PPM1H: variants seen among roughly 807,000 people sequenced by gnomAD.
The protein encoded by PPM1H is protein phosphatase 1H.
In PPM1H, 27 loss-of-function variants were observed where a neutral mutation model predicts 54.9. The ratio of observed to expected loss-of-function variants is 0.49; its 90% CI spans 0.36 to 0.68. PPM1H has a LOEUF of 0.68. PPM1H is among the 30% of genes least tolerant of loss of function. PPM1H has a pLI of 0.00. For missense variants in PPM1H, 596 were observed against 667.8 expected (o/e 0.89, Z 1.19); for synonymous variants, 305 against 270.8 (o/e 1.13, Z -1.24).
intron 1 of PPM1H, among the ~76,000 whole-genome samples, chr12:62,903,757 G>T (rs1041458315): frequency 6.6e-6 from 1 of 152,024 alleles, no homozygotes; most frequent in African/African-American, 2.4e-5. Flanking sequence ...GGGTCTAAAA[G>T]AATTGAACAT....
At chr12:62,839,717 C>T (rs745922067) in intron 1 of PPM1H, among the ~76,000 whole-genome samples, 3 of 151,762 alleles carry the variant, frequency 2.0e-5, no homozygotes, top group Non-Finnish European at 4.4e-5. Flanking sequence ...CTCAAGGACC[C>T]TATAGTCATT....
chr12:62,758,101 T>C (rs1029977663), intron 4 of PPM1H, among the ~76,000 whole-genome samples: 3 of 152,246 alleles, frequency 2.0e-5, no homozygotes, highest in Non-Finnish European at 4.4e-5. Flanking sequence ...TAAAGTAATG[T>C]ACCATAATTA....
At chr12:62,670,862 A>T (rs2075953003) in intron 8 of PPM1H, among the ~76,000 whole-genome samples, 1 of 152,144 alleles carries the variant, frequency 6.6e-6, no homozygotes. Context: ...TTTTACAACC[A>T]CCCTCTGTTT....
chr12:62,915,691 A>G (rs1030770145), intron 1 of PPM1H, among the ~76,000 whole-genome samples: 4 of 152,104 alleles, frequency 2.6e-5, no homozygotes, highest in African/African-American at 7.2e-5. Context: ...GGAATCACCA[A>G]TCCTACAGAG....
intron 4 of PPM1H, among the ~76,000 whole-genome samples, chr12:62,740,639 T>TG (rs2076376117): frequency 6.6e-6 from 1 of 152,242 alleles, no homozygotes; most frequent in South Asian, 2.1e-4. Flanking sequence ...CACGCTAGCC[T>TG]GTAAGCTGGA....
chr12:62,807,636 T>C (rs2076812751), intron 2 of PPM1H, among the ~76,000 whole-genome samples: 1 of 152,156 alleles, frequency 6.6e-6, no homozygotes, highest in South Asian at 2.1e-4. Context: ...TCCCTTGAAC[T>C]AGATAAAAAC....
chr12:62,906,845 C>T (rs1486394187), intron 1 of PPM1H, among the ~76,000 whole-genome samples: 1 of 152,148 alleles, frequency 6.6e-6, no homozygotes, highest in African/African-American at 2.4e-5. Context: ...TTGTATAAAT[C>T]CAATCAGACA....
chr12:62,930,391 T>C (rs1872096042), intron 1 of PPM1H, among the ~76,000 whole-genome samples: 1 of 152,222 alleles, frequency 6.6e-6, no homozygotes, highest in Non-Finnish European at 1.5e-5. Flanking sequence ...TTAGCTATAC[T>C]TAATGTATTC....
At chr12:62,723,504 A>T (rs74234924) in intron 5 of PPM1H, among the ~76,000 whole-genome samples, 4 of 152,188 alleles carry the variant, frequency 2.6e-5, no homozygotes, top group Non-Finnish European at 5.9e-5. Context: ...TGTTTAGGCC[A>T]TGAAGGTAGA....
chr12:62,701,243 C>G (rs919804638), intron 6 of PPM1H, among the ~76,000 whole-genome samples: 3 of 152,208 alleles, frequency 2.0e-5, no homozygotes, highest in African/African-American at 7.2e-5. Flanking sequence ...CTATGCTGTT[C>G]CGGCTGATGC....
At chr12:62,918,296 T>C (rs530298520) in intron 1 of PPM1H, among the ~76,000 whole-genome samples, 1 of 152,344 alleles carries the variant, frequency 6.6e-6, no homozygotes, top group East Asian at 1.9e-4. Flanking sequence ...CAATTTTTCA[T>C]TAACTTATTT....
intron 1 of PPM1H, among the ~76,000 whole-genome samples, chr12:62,906,256 G>A (rs1871298936): frequency 6.6e-6 from 1 of 152,160 alleles, no homozygotes; most frequent in African/African-American, 2.4e-5. Context: ...CAAAATATAT[G>A]TTGCTACAAA....
At chr12:62,774,989 G>C (rs2076601631) in intron 4 of PPM1H, among the ~76,000 whole-genome samples, 1 of 152,176 alleles carries the variant, frequency 6.6e-6, no homozygotes, top group Non-Finnish European at 1.5e-5. Context: ...TGGACTAGAT[G>C]AGTGGTTCCC....
At chr12:62,904,302 G>A (rs989402207) in intron 1 of PPM1H, among the ~76,000 whole-genome samples, 1 of 151,884 alleles carries the variant, frequency 6.6e-6, no homozygotes, top group Non-Finnish European at 1.5e-5. Flanking sequence ...GCAGTGGCAT[G>A]ATCTTGGCTC....
chr12:62,700,535 A>G (rs1295612457), intron 6 of PPM1H, among the ~76,000 whole-genome samples: 3 of 152,202 alleles, frequency 2.0e-5, no homozygotes, highest in African/African-American at 7.2e-5. Flanking sequence ...TATGTCAAAT[A>G]CTGTCATCTC....
chr12:62,827,053 A>G (rs1868299057), intron 2 of PPM1H, among the ~76,000 whole-genome samples: 1 of 152,168 alleles, frequency 6.6e-6, no homozygotes, highest in East Asian at 1.9e-4. Context: ...AGCCACTTCT[A>G]TGGCTGCAAC....
chr12:62,653,571 T>C (rs1565745360), intron 9 of PPM1H, among the ~76,000 whole-genome samples: 1 of 152,226 alleles, frequency 6.6e-6, no homozygotes, highest in South Asian at 2.1e-4. Context: ...CAGGTTTTCT[T>C]TGAGGGCCCG....
intron 4 of PPM1H, among the ~76,000 whole-genome samples, chr12:62,786,474 G>A (rs887079562): frequency 1.3e-5 from 2 of 152,342 alleles, no homozygotes; most frequent in Admixed American, 1.3e-4. Context: ...GGGGTCAGCC[G>A]ATGGGAAGGT....
At chr12:62,732,662 C>T (rs1319437283) in intron 5 of PPM1H, among the ~76,000 whole-genome samples, 6 of 151,470 alleles carry the variant, frequency 4.0e-5, no homozygotes, top group Admixed American at 3.9e-4. Flanking sequence ...AGTTCTGCCT[C>T]CCGGGTTCAC....
Sources: allele counts gnomAD v4.1 joint callset (sites outside exome capture counted in the v4.1 genomes callset), GRCh38; gene constraint gnomAD v4.1.1; transcripts MANE v1.5; gene names NCBI Gene and HGNC (gene_info 2026-07-23, HGNC 2026-07-21).